PDE1A: variants seen among roughly 807,000 people sequenced by gnomAD.
The protein encoded by PDE1A is phosphodiesterase 1A.
In PDE1A, 35 loss-of-function variants were observed where a neutral mutation model predicts 61.7. That is an observed-to-expected ratio of 0.57 (90% confidence interval 0.43 to 0.75). PDE1A has a LOEUF of 0.75. Ranked by LOEUF, PDE1A falls within the 30% of genes least tolerant of loss-of-function variation. The pLI, the probability that PDE1A is intolerant of heterozygous loss-of-function variation, is 0.00. For synonymous variants in PDE1A, 232 were observed against 213.2 expected (o/e 1.09, Z -0.77); for missense variants, 597 against 630.6 (o/e 0.95, Z 0.57).
chr2:182,181,769 G>T (rs1684783556), intron 13 of PDE1A, among the ~76,000 whole-genome samples: 3 of 152,142 alleles, frequency 2.0e-5, no homozygotes, highest in Admixed American at 2.0e-4. Context: ...GAGATGCCCT[G>T]CCCAGTGAGG....
chr2:182,295,420 A>G (rs947392457), intron 1 of PDE1A, among the ~76,000 whole-genome samples: 2 of 152,186 alleles, frequency 1.3e-5, no homozygotes, highest in Non-Finnish European at 2.9e-5. Context: ...CTACTATCAG[A>G]TGGTCATAAA....
Position 182,246,401 on chromosome 2 carries a change from C to CTTTTTTTTTTTTTTT in PDE1A, c.168-6110_168-6109insAAAAAAAAAAAAAAA, listed in dbSNP as rs761118177. On this transcript the variant is annotated intron_variant, in intron 2 of 13. Transcript: ENST00000351439. ...TCTACTATAGTCTTTTTTCTTTTTT[C>CTTTTTTTTTTTTTTT]TTTCTTTTTTTTTTTTTTTTTTGAC... Among the ~76,000 whole-genome samples the CTTTTTTTTTTTTTTT allele has an allele frequency of 3.6e-4, 22 of 61,514 alleles. 3 individuals carry two copies. The highest frequency in any genetic ancestry group is 4.9e-4 in the Non-Finnish European group (17 of 34,626). The allele number at this position is 61,514 out of a possible 152,430, so 40.4% of individuals were successfully genotyped here. A position where few individuals can be genotyped will look rare whatever the true frequency, so the allele number is the denominator to read the frequency against.
At chr2:182,606,145 G>A in the PDE1A span, among the ~76,000 whole-genome samples, 3 of 152,210 alleles carry the variant, frequency 2.0e-5, no homozygotes, top group South Asian at 6.2e-4. Flanking sequence ...TACTCCCCAA[G>A]GTATGTATGT....
intron 1 of PDE1A, among the ~76,000 whole-genome samples, chr2:182,265,857 C>A (rs977790903): frequency 1.3e-5 from 2 of 152,098 alleles, no homozygotes; most frequent in Non-Finnish European, 2.9e-5. Context: ...GAATTTAATT[C>A]CATTCTATTC....
the PDE1A span, among the ~76,000 whole-genome samples, chr2:182,711,372 A>G: frequency 6.6e-6 from 1 of 152,202 alleles, no homozygotes; most frequent in Non-Finnish European, 1.5e-5. Context: ...ATGGAAAGAA[A>G]AAACTAAAAT....
exon 15 of PDE1A, chr2:182,141,156 T>A (rs1455062097): frequency 6.6e-6 from 1 of 152,138 alleles, no homozygotes; most frequent in Non-Finnish European, 1.5e-5. Context: ...AGAAGTAGTA[T>A]TTCTATTTAC....
the PDE1A span, among the ~76,000 whole-genome samples, chr2:182,586,649 AC>A: frequency 6.6e-6 from 1 of 152,140 alleles, no homozygotes; most frequent in Non-Finnish European, 1.5e-5. Flanking sequence ...AGTGGCCTCT[AC>A]TGACTAGATA....
chr2:182,567,022 C>T, the PDE1A span, among the ~76,000 whole-genome samples: 1 of 152,078 alleles, frequency 6.6e-6, no homozygotes, highest in Admixed American at 6.6e-5. Flanking sequence ...GTTAAAAGCC[C>T]TGGATAAGTC....
the PDE1A span, among the ~76,000 whole-genome samples, chr2:182,674,954 T>G: frequency 6.6e-6 from 1 of 151,956 alleles, no homozygotes; most frequent in African/African-American, 2.4e-5. Context: ...TTTTATTTAT[T>G]TATTTAACTT....
At chr2:182,338,073 A>G (rs1376040105) in intron 1 of PDE1A, among the ~76,000 whole-genome samples, 1 of 152,200 alleles carries the variant, frequency 6.6e-6, no homozygotes, top group Non-Finnish European at 1.5e-5. Context: ...TAATGCCATC[A>G]TTTCAGAGGT....
intron 8 of PDE1A, among the ~76,000 whole-genome samples, chr2:182,203,515 G>A (rs1313677711): frequency 6.6e-6 from 1 of 152,050 alleles, no homozygotes; most frequent in Admixed American, 6.6e-5. Flanking sequence ...AATATGACAA[G>A]ACCCATATTT....
chr2:182,369,132 CA>C (rs1350811967), intron 1 of PDE1A, among the ~76,000 whole-genome samples: 1 of 152,046 alleles, frequency 6.6e-6, no homozygotes, highest in Non-Finnish European at 1.5e-5. Flanking sequence ...TCTGTCTCAG[CA>C]AGCCCAATCC....
At chr2:182,275,144 C>T (rs1693314325) in intron 1 of PDE1A, among the ~76,000 whole-genome samples, 1 of 151,930 alleles carries the variant, frequency 6.6e-6, no homozygotes, top group African/African-American at 2.4e-5. Context: ...TTTGGAGGGT[C>T]AAAAGAGGGA....
chr2:182,390,096 T>C lies in PDE1A; in HGVS notation c.53+36482A>G, dbSNP rs183186376. Reference sequence around the variant, plus strand: ...ATTGTATGATTTCACCTTGTGATCATGTGAGTCGGTACTCCTTAATAAACT... The same window carrying C: ...ATTGTATGATTTCACCTTGTGATCACGTGAGTCGGTACTCCTTAATAAACT... On this transcript the variant is annotated intron_variant, in intron 1 of 13. Coordinates refer to ENST00000351439, the Ensembl canonical transcript of PDE1A. 2.4e-4 allele frequency among the ~76,000 whole-genome samples: 36 copies of C among 152,298 alleles called. 1 individual carries two copies. The East Asian group carries it at 3.9e-3, about 16-fold the overall frequency.
At chr2:182,538,779 A>G in the PDE1A span, among the ~76,000 whole-genome samples, 127,305 of 152,142 alleles carry the variant, frequency 0.84, 53,503 homozygotes, top group East Asian at 0.99. Context: ...ATATGGTGTC[A>G]GATTTTGTAA....
the PDE1A span, among the ~76,000 whole-genome samples, chr2:182,709,655 T>C: frequency 6.6e-6 from 1 of 152,188 alleles, no homozygotes; most frequent in South Asian, 2.1e-4. Flanking sequence ...TTTCTCCAAA[T>C]GAAACTGAAA....
chr2:182,514,194 G>A (rs1689993934), intron 2 of PDE1A, among the ~76,000 whole-genome samples: 1 of 152,098 alleles, frequency 6.6e-6, no homozygotes, highest in African/African-American at 2.4e-5. Flanking sequence ...ACAAATAAAT[G>A]GAAAAACATT....
chr2:182,167,901 C>CA, exon 14 of PDE1A: 1 of 1,071,254 alleles, frequency 9.3e-7, no homozygotes, highest in Non-Finnish European at 1.1e-6. Context: ...ACAGGTGGAC[C>CA]AAGCTTTATT....
intron 2 of PDE1A, chr2:182,241,948 T>C (rs1431795889): frequency 6.6e-7 from 1 of 1,505,178 alleles, no homozygotes; most frequent in Non-Finnish European, 8.8e-7. Flanking sequence ...TTTCAGCAAG[T>C]CACTAAACTT....
Sources: gnomAD v4.1 joint callset for allele counts (sites outside exome capture counted in the v4.1 genomes callset) on GRCh38, gnomAD v4.1.1 for gene constraint, MANE v1.5 for transcripts, NCBI Gene and HGNC (gene_info 2026-07-23, HGNC 2026-07-21) for gene names.